KIAA0513: variants seen among roughly 807,000 people sequenced by gnomAD.
The protein encoded by KIAA0513 is KIAA0513.
A neutral mutation model predicts 56.5 loss-of-function variants in KIAA0513; 39 were observed. The observed-to-expected ratio is 0.69, with a 90% CI of 0.53 to 0.90. KIAA0513 has a LOEUF of 0.90. KIAA0513 is among the 40% of genes least tolerant of loss of function. The probability of loss-of-function intolerance (pLI) is 0.00; values close to 1 mark genes in which losing one functional copy is unlikely to be tolerated. For synonymous variants in KIAA0513, 268 were observed against 215.6 expected, an observed-to-expected ratio of 1.24 and a Z score of -2.13; for missense variants, 591 against 535.2, an observed-to-expected ratio of 1.10 and a Z score of -1.03.
rs182973618 is a variant in KIAA0513, at chr16:85,036,481, G to A, written c.-173+8623G>A. On this transcript the variant is annotated intron_variant, in intron 1 of 12. Coordinates refer to ENST00000683363, the MANE Select transcript of KIAA0513 (RefSeq NM_001388359.1). ...TTTTAGTTCATTGCTATTGTAGCACGTGTCCATCCTTTGTTCCTTTTTAGT... is the reference window on the plus strand; with the variant it reads ...TTTTAGTTCATTGCTATTGTAGCACATGTCCATCCTTTGTTCCTTTTTAGT... Among the ~76,000 whole-genome samples the A allele has an allele frequency of 3.3e-3, 504 of 152,252 alleles. 2 individuals are homozygous for A. The highest frequency in any genetic ancestry group is 0.011 in the African/African-American group (457 of 41,536).
At chr16:85,058,712 G>C (rs1410216723) in intron 1 of KIAA0513, among the ~76,000 whole-genome samples, 1 of 151,580 alleles carries the variant, frequency 6.6e-6, no homozygotes, top group African/African-American at 2.4e-5. Context: ...AGAAAGAAAT[G>C]CTGATTTCAA....
intron 1 of KIAA0513, among the ~76,000 whole-genome samples, chr16:85,059,290 T>A (rs2073371179): frequency 6.6e-6 from 1 of 152,222 alleles, no homozygotes; most frequent in Non-Finnish European, 1.5e-5. Flanking sequence ...AAAAAATTGA[T>A]CTATGCTGTG....
intron 1 of KIAA0513, among the ~76,000 whole-genome samples, chr16:85,056,634 G>A (rs9939449): frequency 1.9e-4 from 29 of 152,108 alleles, no homozygotes; most frequent in African/African-American, 6.8e-4. Flanking sequence ...GGCCGCGCTC[G>A]CCGAGAGCCC....
intron 12 of KIAA0513, among the ~76,000 whole-genome samples, chr16:85,088,056 C>T (rs963772223): frequency 6.6e-6 from 1 of 152,272 alleles, no homozygotes. Context: ...GCCCCACAGG[C>T]GGCGTGCTGG....
At chr16:85,051,523 C>A (rs1311052866) in intron 1 of KIAA0513, among the ~76,000 whole-genome samples, 1 of 152,160 alleles carries the variant, frequency 6.6e-6, no homozygotes. Context: ...AAAGGAGACC[C>A]CAGAGAACTG....
At chr16:85,047,151 G>A (rs759852280) in intron 1 of KIAA0513, among the ~76,000 whole-genome samples, 43 of 152,178 alleles carry the variant, frequency 2.8e-4, no homozygotes, top group Non-Finnish European at 5.3e-4. Context: ...GGGTTTTGGT[G>A]CCGTTTTCCA....
At chr16:85,071,742 G>GTTTTTT in intron 2 of KIAA0513, 41 bp from the exon 3 acceptor site, 1 of 1,091,066 alleles carries the variant, frequency 9.2e-7, no homozygotes. Context: ...ATTGAAAAGG[G>GTTTTTT]TTTTTTTTTT....
At position 85,078,930 on chromosome 16, in the gene KIAA0513, G is replaced by A. The variant is rs370117094; in HGVS notation, c.829G>A (p.Ala277Thr). The change falls in exon 8 of 13, where the codon GCG becomes ACG. Residue 277 changes from alanine to threonine, a missense_variant. Ala to Thr is a moderately conservative substitution (Grantham distance 58, BLOSUM62 0). Transcript: ENST00000683363. ...CATTCTCTCTCCTCCCACAGTGACC[G>A]CGTACAGCCCCGAGGACGAAAAGAA... is the stretch of plus-strand genomic sequence containing the variant. Reference protein sequence around the residue: ...PQEKRPRAVTAYSPEDEKKGE... With the variant: ...PQEKRPRAVTTYSPEDEKKGE... The A allele has an allele frequency of 2.2e-5, 35 of 1,614,000 alleles. No individual in the cohort carries two copies. Among genetic ancestry groups the A allele is most frequent in the East Asian group, 1.6e-4 (7 of 44,898 alleles).
At chr16:85,070,180 AAAAG>A (rs1222882100) in intron 2 of KIAA0513, among the ~76,000 whole-genome samples, 2 of 142,758 alleles carry the variant, frequency 1.4e-5, no homozygotes, top group African/African-American at 2.5e-5. Flanking sequence ...CAAAAAAAAA[AAAAG>A]AAAAAAGAAA....
At chr16:85,052,917 G>A (rs994631967) in intron 1 of KIAA0513, among the ~76,000 whole-genome samples, 21 of 151,894 alleles carry the variant, frequency 1.4e-4, no homozygotes, top group Admixed American at 6.6e-4. Flanking sequence ...TTTTGAGACC[G>A]TCTCGCTCTG....
At chr16:85,038,443 A>G (rs1234843235) in intron 1 of KIAA0513, among the ~76,000 whole-genome samples, 1 of 152,180 alleles carries the variant, frequency 6.6e-6, no homozygotes, top group Non-Finnish European at 1.5e-5. Flanking sequence ...GCAGTGGCTC[A>G]TGCCTGTAAT....
At chr16:85,039,098 A>G (rs1567521103) in intron 1 of KIAA0513, among the ~76,000 whole-genome samples, 1 of 152,226 alleles carries the variant, frequency 6.6e-6, no homozygotes, top group African/African-American at 2.4e-5. Context: ...GGTGCACTGT[A>G]GATGCTCAAT....
chr16:85,087,288 CT>C (rs2073820909), intron 12 of KIAA0513, 122 bp downstream of exon 12: 1 of 774,546 alleles, frequency 1.3e-6, no homozygotes, highest in East Asian at 2.5e-5. Flanking sequence ...AAACGTGGTG[CT>C]GAGCTCTCGG....
chr16:85,084,919 A>G (rs1354079331), intron 10 of KIAA0513, among the ~76,000 whole-genome samples: 2 of 152,242 alleles, frequency 1.3e-5, no homozygotes, highest in African/African-American at 4.8e-5. Flanking sequence ...TGCTACTGCC[A>G]GTGACCATTT....
Position 85,088,428 on chromosome 16 carries a change from G to T in KIAA0513, c.*103G>T. ...CCCGATGACCTGCATGAAGCCAGCA[G>T]CACCCAGAGCCACTCCTGCTGCCCT... On this transcript the variant is annotated 3_prime_UTR_variant, in exon 13 of 13. Transcript: ENST00000683363. 1.1e-6 allele frequency: 1 copy of T among 942,154 alleles called. No homozygotes were observed. The highest frequency in any genetic ancestry group is 1.7e-6 in the Non-Finnish European group (1 of 596,260). 58.4% of individuals were successfully genotyped at this position (942,154 alleles called of 1,614,324 possible). A position where few individuals can be genotyped will look rare whatever the true frequency, so the allele number is the denominator to read the frequency against.
intron 1 of KIAA0513, among the ~76,000 whole-genome samples, chr16:85,030,286 A>C (rs2072945513): frequency 6.6e-6 from 1 of 152,196 alleles, no homozygotes; most frequent in Non-Finnish European, 1.5e-5. Context: ...GAGGCAAGAG[A>C]GCACGCAGTT....
intron 1 of KIAA0513, among the ~76,000 whole-genome samples, chr16:85,059,433 G>A (rs1024175788): frequency 2.6e-5 from 4 of 152,208 alleles, no homozygotes; most frequent in African/African-American, 9.7e-5. Context: ...TTCCCCCTGA[G>A]CCAGGCTGTC....
At chr16:85,085,122 C>T (rs928461080) in intron 10 of KIAA0513, among the ~76,000 whole-genome samples, 1 of 152,136 alleles carries the variant, frequency 6.6e-6, no homozygotes, top group Non-Finnish European at 1.5e-5. Context: ...AGCAGGCCTG[C>T]GAGGGGTGCG....
At chr16:85,079,144 A>G in intron 8 of KIAA0513, 141 bp downstream of exon 8, 1 of 1,493,734 alleles carries the variant, frequency 6.7e-7, no homozygotes, top group South Asian at 1.3e-5. Context: ...TAAAAAGATG[A>G]ACACTCACAG....
Sources: allele counts gnomAD v4.1 joint callset (sites outside exome capture counted in the v4.1 genomes callset), GRCh38; gene constraint gnomAD v4.1.1; transcripts MANE v1.5; gene names NCBI Gene and HGNC (gene_info 2026-07-23, HGNC 2026-07-21).